Variants in FBN1 observed in about 807,000 individuals in gnomAD.
FBN1 encodes fibrillin-1.
In FBN1, 29 loss-of-function variants were observed where a neutral mutation model predicts 365.1. The ratio of observed to expected loss-of-function variants is 0.08; its 90% confidence interval spans 0.06 to 0.11. FBN1 has a LOEUF of 0.11. Among genes scored for constraint, FBN1 ranks in the 10% least tolerant of loss-of-function variants. The probability of loss-of-function intolerance (pLI) is 1.00; values close to 1 mark genes in which losing one functional copy is unlikely to be tolerated. For missense variants in FBN1, 2,476 were observed against 3,703.2 expected (o/e 0.67, Z 8.60); for synonymous variants, 1,210 against 1,270.5 (o/e 0.95, Z 1.01).
At chr15:48,633,347 C>A (rs1447924759) in intron 2 of FBN1, among the ~76,000 whole-genome samples, 1 of 152,142 alleles carries the variant, frequency 6.6e-6, no homozygotes, top group Non-Finnish European at 1.5e-5. Context: ...GATAACTGAG[C>A]CAGCAAGTTA....
At chr15:48,472,057 A>T (rs1247918520) in intron 35 of FBN1, among the ~76,000 whole-genome samples, 2 of 152,264 alleles carry the variant, frequency 1.3e-5, no homozygotes, top group East Asian at 1.9e-4. Context: ...CAAATGTGAG[A>T]CATACCATTC....
At chr15:48,468,807 G>A (rs1367484118) in intron 36 of FBN1, among the ~76,000 whole-genome samples, 2 of 149,748 alleles carry the variant, frequency 1.3e-5, no homozygotes, top group Non-Finnish European at 3.0e-5. Context: ...GGTGGCTCAC[G>A]CCTGTAATCC....
At chr15:48,439,425 C>G (rs2043096358) in intron 50 of FBN1, among the ~76,000 whole-genome samples, 1 of 152,240 alleles carries the variant, frequency 6.6e-6, no homozygotes, top group East Asian at 1.9e-4. Flanking sequence ...TGCTGAGAAA[C>G]TTCAAGACTG....
At chr15:48,557,386 C>T (rs1240004352) in intron 6 of FBN1, among the ~76,000 whole-genome samples, 4 of 152,130 alleles carry the variant, frequency 2.6e-5, no homozygotes, top group African/African-American at 4.8e-5. Flanking sequence ...CTCTGGATGC[C>T]GGCCTGATAC....
At chr15:48,607,825 C>A (rs2044626232) in intron 4 of FBN1, among the ~76,000 whole-genome samples, 1 of 152,200 alleles carries the variant, frequency 6.6e-6, no homozygotes, top group Admixed American at 6.5e-5. Flanking sequence ...CATATTAGAA[C>A]AATGAGTAAA....
intron 15 of FBN1, 56 bp from the exon 16 acceptor site, chr15:48,505,203 A>C: frequency 6.2e-7 from 1 of 1,606,492 alleles, no homozygotes; most frequent in African/African-American, 1.3e-5. Flanking sequence ...TAAAATTATA[A>C]CATGTTGACA....
intron 36 of FBN1, among the ~76,000 whole-genome samples, chr15:48,470,142 C>T (rs1287997822): frequency 6.6e-6 from 1 of 152,030 alleles, no homozygotes; most frequent in South Asian, 2.1e-4. Flanking sequence ...CCCTGAGAGT[C>T]CTTGGCTCAA....
intron 5 of FBN1, among the ~76,000 whole-genome samples, chr15:48,596,669 C>T (rs531979424): frequency 6.6e-6 from 1 of 152,336 alleles, no homozygotes; most frequent in African/African-American, 2.4e-5. Flanking sequence ...TAAGAGATGT[C>T]ACTGAATGGG....
chr15:48,543,700 A>T (rs985449562), intron 6 of FBN1, among the ~76,000 whole-genome samples: 1 of 152,226 alleles, frequency 6.6e-6, no homozygotes, highest in Non-Finnish European at 1.5e-5. Context: ...AAGTACAGAG[A>T]TTATTTTAGA....
At chr15:48,600,619 G>T (rs111539108) in intron 4 of FBN1, among the ~76,000 whole-genome samples, 1 of 152,140 alleles carries the variant, frequency 6.6e-6, no homozygotes, top group Non-Finnish European at 1.5e-5. Flanking sequence ...CAAGAGAATC[G>T]CTTGAACCTG....
Position 48,425,727 on chromosome 15 carries a change from A to G in FBN1, c.7330+12T>C. On this transcript the variant is annotated intron_variant, in intron 59 of 65. Coordinates refer to ENST00000316623, the MANE Select transcript of FBN1 (RefSeq NM_000138.5). ...TCCACTTGAGGATAAGCCATCAGAA[A>G]TAGACACTTACCTACACAGGAAGTC... The G allele has an allele frequency of 6.2e-7, 1 of 1,613,418 alleles. No homozygotes were observed. Among genetic ancestry groups the G allele is most frequent in the Non-Finnish European group, 8.5e-7 (1 of 1,179,412 alleles).
chr15:48,414,896 A>C (rs1464343063), intron 64 of FBN1, among the ~76,000 whole-genome samples: 1 of 1,910 alleles, frequency 5.2e-4, no homozygotes, highest in African/African-American at 4.9e-3. Flanking sequence ...ACTCCGTCTA[A>C]AAAAAAAAAA....
chr15:48,440,370 C>G (rs1597528557), intron 50 of FBN1, among the ~76,000 whole-genome samples: 1 of 152,148 alleles, frequency 6.6e-6, no homozygotes, highest in East Asian at 1.9e-4. Context: ...GAATTAATAG[C>G]CTAGGAGTTT....
At chr15:48,430,126 G>T (rs1370090679) in intron 56 of FBN1, among the ~76,000 whole-genome samples, 4 of 152,168 alleles carry the variant, frequency 2.6e-5, no homozygotes, top group Non-Finnish European at 5.9e-5. Flanking sequence ...GCTGGAATTA[G>T]CCTGTAGGCA....
chr15:48,435,666 A>ATGTGTG (rs3074870), intron 53 of FBN1, among the ~76,000 whole-genome samples: 166 of 145,632 alleles, frequency 1.1e-3, no homozygotes, highest in African/African-American at 4.0e-3. Flanking sequence ...GAGACCTAAA[A>ATGTGTG]TGTGTGTGTG....
intron 15 of FBN1, among the ~76,000 whole-genome samples, chr15:48,505,639 C>CTAAA (rs1359229485): frequency 1.3e-5 from 2 of 152,170 alleles, no homozygotes; most frequent in African/African-American, 4.8e-5. Context: ...GGATATACAA[C>CTAAA]TAAAGCCTTG....
intron 6 of FBN1, among the ~76,000 whole-genome samples, chr15:48,554,915 CT>C (rs1219691716): frequency 6.6e-6 from 1 of 152,108 alleles, no homozygotes; most frequent in African/African-American, 2.4e-5. Flanking sequence ...ATTTAATTTT[CT>C]GTCTGATTGT....
intron 29 of FBN1, 68 bp from the exon 30 acceptor site, chr15:48,485,564 T>C (rs1479126994): frequency 1.1e-5 from 18 of 1,572,174 alleles, no homozygotes; most frequent in Non-Finnish European, 1.4e-5. Flanking sequence ...AATACTCGTG[T>C]TGAAATTTAA....
Position 48,520,811 on chromosome 15 carries a change from C to A in FBN1, c.995G>T (p.Arg332Leu), listed in dbSNP as rs748929044. Residue 332 changes from arginine to leucine, a missense_variant, in exon 10 of 66, where the codon CGC (arginine) becomes CTC (leucine). Coordinates refer to ENST00000316623, the MANE Select transcript of FBN1 (RefSeq NM_000138.5). The part of the protein sequence containing the change: ...SPDGTRCIDV[R>L]PGYCYTALTN... ...CAGAGCTGTGTAACAGTATCCTGGG[C>A]GAACATCTGAGGACAAAGAAACACA... The A allele has an allele frequency of 6.2e-7, 1 of 1,614,062 alleles. No homozygotes were observed.
Sources: allele counts gnomAD v4.1 joint callset (sites outside exome capture counted in the v4.1 genomes callset), GRCh38; gene constraint gnomAD v4.1.1; transcripts MANE v1.5; gene names NCBI Gene and HGNC (gene_info 2026-07-23, HGNC 2026-07-21).